POLD3: variants seen among roughly 807,000 people sequenced by gnomAD.
POLD3 encodes DNA polymerase delta subunit 3.
Under a neutral mutation model 58.2 loss-of-function variants are expected in POLD3, and 19 were observed. The ratio of observed to expected loss-of-function variants is 0.33; its 90% confidence interval spans 0.23 to 0.48. POLD3 has a LOEUF of 0.48. Among genes scored for constraint, POLD3 ranks in the 20% least tolerant of loss-of-function variants. POLD3 has a pLI of 0.99. For missense variants in POLD3, 504 were observed against 545.5 expected (o/e 0.92, Z 0.76); for synonymous variants, 172 against 193.5 (o/e 0.89, Z 0.92).
At chr11:74,656,772 A>T (rs1334872373) in intron 4 of POLD3, among the ~76,000 whole-genome samples, 4 of 149,444 alleles carry the variant, frequency 2.7e-5, no homozygotes, top group East Asian at 2.0e-4. Flanking sequence ...AGGTTATAAG[A>T]TTTGTTTTGT....
intron 4 of POLD3, among the ~76,000 whole-genome samples, chr11:74,667,119 A>T (rs1278098538): frequency 6.6e-6 from 1 of 152,204 alleles, no homozygotes; most frequent in Non-Finnish European, 1.5e-5. Flanking sequence ...GGGCTAGGTG[A>T]GGGAGGAATG....
intron 4 of POLD3, among the ~76,000 whole-genome samples, chr11:74,665,054 C>T (rs1036101218): frequency 1.1e-4 from 16 of 151,244 alleles, no homozygotes; most frequent in African/African-American, 3.4e-4. Flanking sequence ...GAGCTGAGAC[C>T]GCACCACTGC....
At chr11:74,609,039 A>G (rs528821310) in intron 3 of POLD3, among the ~76,000 whole-genome samples, 9 of 152,254 alleles carry the variant, frequency 5.9e-5, no homozygotes, top group African/African-American at 2.2e-4. Flanking sequence ...TAACAAAAAT[A>G]TCTATTTGCT....
chr11:74,625,375 GGTCATATGTC>G (rs1172163939), intron 7 of POLD3, 23 bp from the exon 8 acceptor site: 2 of 1,531,468 alleles, frequency 1.3e-6, no homozygotes, highest in African/African-American at 2.8e-5. Context: ...TGCATGATGG[GGTCATATGTC>G]GTCTGCTATA....
chr11:74,608,654 C>T (rs1565114853), intron 3 of POLD3, among the ~76,000 whole-genome samples: 1 of 152,122 alleles, frequency 6.6e-6, no homozygotes, highest in Non-Finnish European at 1.5e-5. Flanking sequence ...TATGTACTTT[C>T]AGTATCCCCC....
chr11:74,662,455 C>T (rs2033216919), intron 4 of POLD3, among the ~76,000 whole-genome samples: 1 of 152,164 alleles, frequency 6.6e-6, no homozygotes, highest in Admixed American at 6.5e-5. Flanking sequence ...TCTTCTGGAC[C>T]AGGGTGTGTC....
intron 11 of POLD3, among the ~76,000 whole-genome samples, chr11:74,637,651 C>T (rs1683078947): frequency 6.6e-6 from 1 of 151,862 alleles, no homozygotes; most frequent in South Asian, 2.1e-4. Context: ...AGTGAGAGTT[C>T]ATTGGGAATT....
intron 4 of POLD3, among the ~76,000 whole-genome samples, chr11:74,658,282 A>T (rs569250634): frequency 1.3e-5 from 2 of 152,160 alleles, no homozygotes; most frequent in Non-Finnish European, 2.9e-5. Context: ...AGCACAGGAA[A>T]GACTGGCCCC....
At chr11:74,621,069 C>T (rs1237467005) in intron 7 of POLD3, among the ~76,000 whole-genome samples, 1 of 152,090 alleles carries the variant, frequency 6.6e-6, no homozygotes, top group Non-Finnish European at 1.5e-5. Flanking sequence ...TTAAAGGTTA[C>T]TCGGAAGCAT....
At chr11:74,614,436 C>A (rs1342991445) in intron 5 of POLD3, among the ~76,000 whole-genome samples, 1 of 152,172 alleles carries the variant, frequency 6.6e-6, no homozygotes, top group Non-Finnish European at 1.5e-5. Context: ...TTTGGCCGGG[C>A]ACAGTGGCTC....
At chr11:74,668,685 G>A in intron 4 of POLD3, 1 of 893,020 alleles carries the variant, frequency 1.1e-6, no homozygotes, top group South Asian at 1.4e-5. Flanking sequence ...AAGAGGCCCG[G>A]AGTAGCTAGG....
intron 9 of POLD3, among the ~76,000 whole-genome samples, chr11:74,631,223 A>G (rs1834632656): frequency 6.6e-6 from 1 of 152,238 alleles, no homozygotes; most frequent in Non-Finnish European, 1.5e-5. Context: ...GCCAGAAGTT[A>G]GAAAAGGAAC....
chr11:74,667,415 G>A (rs542279707), intron 4 of POLD3, among the ~76,000 whole-genome samples: 5 of 152,306 alleles, frequency 3.3e-5, no homozygotes, highest in African/African-American at 1.2e-4. Flanking sequence ...GCAGGCGCCT[G>A]TAGTCCCAGC....
chr11:74,605,258 T>C (rs2031636446), intron 3 of POLD3, among the ~76,000 whole-genome samples: 1 of 152,236 alleles, frequency 6.6e-6, no homozygotes, highest in South Asian at 2.1e-4. Context: ...ATGCAGTGCA[T>C]AGGCTGGGAA....
intron 1 of POLD3, chr11:74,593,011 A>G (rs2031091614): frequency 7.7e-7 from 1 of 1,305,328 alleles, no homozygotes; most frequent in Non-Finnish European, 9.8e-7. Flanking sequence ...TGAGAGTTCT[A>G]AGGCGTCCCT....
chr11:74,593,069 T>C, intron 1 of POLD3: 1 of 1,086,170 alleles, frequency 9.2e-7, no homozygotes, highest in Non-Finnish European at 1.1e-6. Flanking sequence ...AAGTTTACAG[T>C]TGAGGAAATC....
intron 8 of POLD3, among the ~76,000 whole-genome samples, chr11:74,626,794 G>T (rs2032445877): frequency 6.6e-6 from 1 of 152,124 alleles, no homozygotes; most frequent in South Asian, 2.1e-4. Flanking sequence ...CTGCATATAT[G>T]ACAGTGGTCT....
intron 7 of POLD3, among the ~76,000 whole-genome samples, chr11:74,621,429 C>T (rs1277486232): frequency 6.6e-6 from 1 of 151,810 alleles, no homozygotes; most frequent in African/African-American, 2.4e-5. Context: ...ACCACCACCC[C>T]TGTCTATGGA....
intron 4 of POLD3, among the ~76,000 whole-genome samples, chr11:74,650,793 T>A (rs896221186): frequency 1.3e-5 from 2 of 152,218 alleles, no homozygotes; most frequent in Admixed American, 6.6e-5. Flanking sequence ...CAGCAGAGGC[T>A]GGGCTGGCTA....
Sources: gnomAD v4.1 joint callset for allele counts (sites outside exome capture counted in the v4.1 genomes callset) on GRCh38, gnomAD v4.1.1 for gene constraint, MANE v1.5 for transcripts, NCBI Gene and HGNC (gene_info 2026-07-23, HGNC 2026-07-21) for gene names.